The following LCA5L variants were observed in gnomAD, a reference collection of about 807,000 sequenced individuals.
The protein encoded by LCA5L is lebercilin-like protein.
Under a neutral mutation model 45.4 loss-of-function variants are expected in LCA5L, and 35 were observed. The ratio of observed to expected loss-of-function variants is 0.77; its 90% CI spans 0.59 to 1.02. LCA5L has a LOEUF of 1.02. Ranked by LOEUF, LCA5L falls within the 50% of genes least tolerant of loss-of-function variation. The pLI is 0.00. For missense variants in LCA5L, 668 were observed against 761.6 expected, an observed-to-expected ratio of 0.88 and a Z score of 1.45; for synonymous variants, 233 against 264.7, an observed-to-expected ratio of 0.88 and a Z score of 1.16.
chr21:39,412,262 C>T (rs534675137), intron 7 of LCA5L, among the ~76,000 whole-genome samples: 26 of 152,152 alleles, frequency 1.7e-4, no homozygotes, highest in Admixed American at 3.9e-4. Flanking sequence ...GTGAACATTT[C>T]CACCATCTAA....
chr21:39,407,185 C>T (rs2039212581), intron 10 of LCA5L, among the ~76,000 whole-genome samples: 1 of 152,194 alleles, frequency 6.6e-6, no homozygotes, highest in Non-Finnish European at 1.5e-5. Context: ...CGTGACTGTG[C>T]CACTGCATAC....
chr21:39,405,760 G>T lies in LCA5L; in HGVS notation c.*122C>A, dbSNP rs2039005497. The T allele has an allele frequency of 3.0e-6, 2 of 664,908 alleles. No homozygotes were observed. The highest frequency in any genetic ancestry group is 3.7e-5 in the Admixed American group (1 of 27,328). 41.2% of individuals were successfully genotyped at this position (664,908 alleles called of 1,614,324 possible). A position where few individuals can be genotyped will look rare whatever the true frequency, so the allele number is the denominator to read the frequency against. On this transcript the variant is annotated 3_prime_UTR_variant, in exon 11 of 11. Transcript: ENST00000288350. ...TCAAACAAAAATTTAATTATCGAAA[G>T]TCAATTAAGTACTAAAACACACACA...
At chr21:39,418,617 C>T (rs929481077) in intron 7 of LCA5L, among the ~76,000 whole-genome samples, 5 of 152,130 alleles carry the variant, frequency 3.3e-5, no homozygotes, top group African/African-American at 9.7e-5. Context: ...TCTCCTGCCT[C>T]AGCCTCCCAA....
Position 39,420,862 on chromosome 21 carries a change from A to T in LCA5L, c.838-19T>A, listed in dbSNP as rs757178754. The stretch of plus-strand genomic sequence containing the variant: ...CCAAGCTCTGAAAACAGTATATATT[A>T]TAACTATTCTGCAACCAAGTTAGTA... On this transcript the variant is annotated intron_variant, in intron 6 of 10. Transcript: ENST00000288350. 6.3e-7 allele frequency: 1 copy of T among 1,578,258 alleles called. No individual in the cohort carries two copies. The highest frequency in any genetic ancestry group is 1.4e-5 in the African/African-American group (1 of 73,994).
chr21:39,428,443 G>A lies in LCA5L; in HGVS notation c.51C>T (p.Gly17=), dbSNP rs1302436521. 3 of 1,611,796 alleles carry A rather than the reference G, an allele frequency of 1.9e-6. No individual in the cohort carries two copies. The highest frequency in any genetic ancestry group is 1.7e-6 in the Non-Finnish European group (2 of 1,179,284). Residue 17 remains glycine (G), a synonymous_variant, in exon 5 of 11, where the codon GGC becomes GGT. Transcript: ENST00000288350. ...ACCTCCTATTGTTTTCTAATGCCAC[G>A]CCGAAGAAATGCTCATCTATATTTG... is the stretch of plus-strand genomic sequence containing the variant. ...TKTNIDEHFF[G]VALENNRRSA...
intron 1 of LCA5L, 145 bp downstream of exon 1, chr21:39,445,580 G>C (rs1330618900): frequency 1.3e-5 from 2 of 153,244 alleles, no homozygotes; most frequent in Non-Finnish European, 2.9e-5. Flanking sequence ...CGGGGCGCCA[G>C]CGAGGCAGGC....
At chr21:39,435,388 C>T (rs1359955324) in intron 3 of LCA5L, 32 bp downstream of exon 3, 4 of 152,188 alleles carry the variant, frequency 2.6e-5, no homozygotes, top group Non-Finnish European at 5.9e-5. Context: ...AAATAAAACA[C>T]ACTAAAATGT....
Position 39,409,603 on chromosome 21 carries a change from A to T in LCA5L, c.1282+376T>A, listed in dbSNP as rs76503256. On this transcript the variant is annotated intron_variant, in intron 10 of 10. Transcript: ENST00000288350. This position sits in a 1 kb window ranked among gnomAD's most constrained non-coding sequence, Gnocchi z 4.2. ...GGAAACGGTTTTATGTTTTTTTTTT[A>T]ATTTTTTGAGACAGAGTCTCACTCT... Among the ~76,000 whole-genome samples, 31,557 of 150,512 alleles carry T rather than the reference A, an allele frequency of 0.21. 3,436 individuals carry two copies. The highest frequency in any genetic ancestry group is 0.27 in the Middle Eastern group (80 of 294).
rs149253441 is a variant in LCA5L, at chr21:39,427,405, G to C, written c.322+767C>G. ...GAGCCGGGCGCGGTGGCTCACGCCT[G>C]TAATCCCAGCACTTTGGGAGGCCGA... is the stretch of plus-strand genomic sequence containing the variant. On this transcript the variant is annotated intron_variant, in intron 5 of 10. Transcript: ENST00000288350. 2.0e-5 allele frequency among the ~76,000 whole-genome samples: 3 copies of C among 152,306 alleles called. No homozygotes were observed. In the South Asian group the frequency reaches 6.2e-4, roughly 32 times the overall value.
chr21:39,422,601 T>C, intron 6 of LCA5L: 1 of 315,028 alleles, frequency 3.2e-6, no homozygotes, highest in Middle Eastern at 8.7e-4. Context: ...TAATCAACAG[T>C]TTAAGGTAGA....
chr21:39,440,080 T>C (rs984058306), intron 2 of LCA5L, among the ~76,000 whole-genome samples: 1 of 152,148 alleles, frequency 6.6e-6, no homozygotes, highest in Non-Finnish European at 1.5e-5. Context: ...TATATACATA[T>C]GTATGTATAT....
At chr21:39,441,319 A>AT (rs2076833123) in intron 2 of LCA5L, among the ~76,000 whole-genome samples, 1 of 152,152 alleles carries the variant, frequency 6.6e-6, no homozygotes, top group Non-Finnish European at 1.5e-5. Flanking sequence ...ACCAAAAAAA[A>AT]CCAAACGAAC....
At chr21:39,436,546 A>G (rs1010681466) in intron 2 of LCA5L, among the ~76,000 whole-genome samples, 30 of 152,162 alleles carry the variant, frequency 2.0e-4, no homozygotes, top group Admixed American at 4.6e-4. Flanking sequence ...CAGTGGTGTT[A>G]GCTCAGCTCA....
chr21:39,440,839 A>C (rs1441138662), intron 2 of LCA5L, among the ~76,000 whole-genome samples: 2 of 152,222 alleles, frequency 1.3e-5, no homozygotes, highest in Non-Finnish European at 2.9e-5. Context: ...CTTAAACTCT[A>C]AACTCTTTGA....
chr21:39,408,337 T>C (rs558043922), intron 10 of LCA5L, among the ~76,000 whole-genome samples: 43 of 152,228 alleles, frequency 2.8e-4, no homozygotes, highest in African/African-American at 1.0e-3. Context: ...CTAGTGAAGG[T>C]TGTGCTCTTT....
intron 2 of LCA5L, among the ~76,000 whole-genome samples, chr21:39,438,223 A>T (rs1468242861): frequency 6.6e-6 from 1 of 152,218 alleles, no homozygotes; most frequent in Non-Finnish European, 1.5e-5. Context: ...ATGGTAACCT[A>T]GTCTAAGATA....
chr21:39,430,052 AAAG>A (rs1443498338), intron 3 of LCA5L, among the ~76,000 whole-genome samples: 1 of 152,008 alleles, frequency 6.6e-6, no homozygotes, highest in East Asian at 1.9e-4. Flanking sequence ...ACAAAAACAA[AAAG>A]AAGAATCCCA....
intron 7 of LCA5L, among the ~76,000 whole-genome samples, chr21:39,419,832 T>C (rs1418187905): frequency 6.6e-6 from 1 of 152,188 alleles, no homozygotes; most frequent in Non-Finnish European, 1.5e-5. Flanking sequence ...ATCTAAATTG[T>C]TGGACATTTT....
At chr21:39,426,360 C>G (rs1821530082) in intron 5 of LCA5L, among the ~76,000 whole-genome samples, 1 of 152,152 alleles carries the variant, frequency 6.6e-6, no homozygotes. Context: ...TGCAATTTCT[C>G]TCTTGTAGAA....
Sources: allele counts gnomAD v4.1 joint callset (sites outside exome capture counted in the v4.1 genomes callset), GRCh38; gene constraint gnomAD v4.1.1; non-coding constraint Gnocchi (gnomAD v3.1); transcripts MANE v1.5; gene names NCBI Gene and HGNC (gene_info 2026-07-23, HGNC 2026-07-21).